SNX8: variants seen among roughly 807,000 people sequenced by gnomAD.
SNX8 encodes the protein sorting nexin 8, also known as sorting nexin-8.
SNX8 carries 25 observed loss-of-function variants against 51.6 expected under a neutral mutation model. The observed-to-expected ratio is 0.48, with a 90% CI of 0.35 to 0.68. The LOEUF is 0.68. SNX8 is among the 30% of genes least tolerant of loss of function. The pLI is 0.00. For missense variants in SNX8, 695 were observed against 624.0 expected (o/e 1.11, Z -1.21); for synonymous variants, 324 against 277.0 (o/e 1.17, Z -1.68).
chr7:2,342,180 A>C lies in SNX8; in HGVS notation c.-66+12042T>G, dbSNP rs547330889. Among the ~76,000 whole-genome samples the C allele has an allele frequency of 2.0e-5, 3 of 151,112 alleles. No homozygotes were observed. In the Admixed American group the frequency reaches 2.0e-4, roughly 10 times the overall value. ...GGCAATAAGAGGGAAACGCTGTCTC[A>C]AAAAAAATAATAATAAATAATAAAT... On this transcript the variant is annotated intron_variant, in intron 1 of 5. Transcript: ENST00000435336.
intron 2 of SNX8, among the ~76,000 whole-genome samples, chr7:2,277,685 T>C (rs1795812336): frequency 6.6e-6 from 1 of 151,658 alleles, no homozygotes; most frequent in South Asian, 2.1e-4. Flanking sequence ...CGGGCACCTG[T>C]CATCCCAGCT....
intron 1 of SNX8, among the ~76,000 whole-genome samples, chr7:2,336,665 G>A (rs1325337909): frequency 6.6e-6 from 1 of 151,752 alleles, no homozygotes; most frequent in Non-Finnish European, 1.5e-5. Context: ...CCGAGATTGC[G>A]TCACTGCACT....
chr7:2,269,605 C>G lies in SNX8; in HGVS notation c.575G>C (p.Cys192Ser), dbSNP rs1795593940. The change falls in exon 5 of 11, where the codon TGC becomes TCC. Residue 192 changes from cysteine (C) to serine (S), a missense_variant. Transcript: ENST00000222990. ...VQNKLKESAQ[C>S]VGDEFLNCKL... ...ACAGTTCAGGAATTCGTCCCCGACG[C>G]ACTGTGCTGACTCCTTTAACTTGTT... is the stretch of plus-strand genomic sequence containing the variant. 2 of 1,602,862 alleles carry G rather than the reference C, an allele frequency of 1.2e-6. No homozygotes were observed. The highest frequency in any genetic ancestry group is 2.3e-5 in the East Asian group (1 of 44,236).
intron 1 of SNX8, among the ~76,000 whole-genome samples, chr7:2,338,440 C>T (rs1254539705): frequency 1.4e-5 from 2 of 147,452 alleles, no homozygotes; most frequent in African/African-American, 2.5e-5. Flanking sequence ...CTAGCCTGGG[C>T]GACAGAGAGA....
intron 1 of SNX8, among the ~76,000 whole-genome samples, chr7:2,335,373 G>C (rs1778807756): frequency 6.6e-6 from 1 of 152,166 alleles, no homozygotes; most frequent in African/African-American, 2.4e-5. Context: ...TGCTAGCCGG[G>C]CGTGGTGGCT....
rs1328467304 is a variant in SNX8, at chr7:2,257,735, C to A, written c.984G>T (p.Lys328Asn). Residue 328 changes from lysine (K) to asparagine (N), a missense_variant and splice_region_variant, in exon 8 of 11, where the codon AAG (lysine) becomes AAT (asparagine). Physicochemically the swap from Lys to Asn is moderately conservative, Grantham distance 94 (BLOSUM62 0). Transcript: ENST00000222990. ...NLFLDLLQSYKDLCERHEKGV... is the reference protein window; with the variant it reads ...NLFLDLLQSYNDLCERHEKGV... ...CAGCCAAGGAGCAGCCAAGACTCAC[C>A]TTATAGGACTGCAGCAGATCCAAGA... The A allele has an allele frequency of 6.2e-7, 1 of 1,613,682 alleles. No homozygotes were observed. The highest frequency in any genetic ancestry group is 8.5e-7 in the Non-Finnish European group (1 of 1,179,786).
chr7:2,315,317 C>T (rs1440898648), upstream of SNX8, among the ~76,000 whole-genome samples: 6 of 150,892 alleles, frequency 4.0e-5, no homozygotes, highest in Non-Finnish European at 8.9e-5. Context: ...TTCATTCATT[C>T]ACCCACTCAC....
At chr7:2,341,259 G>A (rs543203387) in intron 1 of SNX8, among the ~76,000 whole-genome samples, 1 of 152,134 alleles carries the variant, frequency 6.6e-6, no homozygotes, top group South Asian at 2.1e-4. Flanking sequence ...TGGCTCACAT[G>A]AGGCTGAGGC....
At chr7:2,315,624 GTACA>G (rs1160284644), upstream of SNX8, among the ~76,000 whole-genome samples, 1 of 114,080 alleles carries the variant, frequency 8.8e-6, no homozygotes, top group Non-Finnish European at 1.8e-5. Flanking sequence ...CTGCTTCTTC[GTACA>G]TTCATTCACC....
intron 5 of SNX8, among the ~76,000 whole-genome samples, chr7:2,267,229 C>T (rs760106419): frequency 4.9e-4 from 75 of 152,328 alleles, no homozygotes; most frequent in Non-Finnish European, 6.8e-4. Flanking sequence ...GGCAAAATCA[C>T]TTTGAAGGGT....
chr7:2,298,558 C>G (rs1003280722), intron 1 of SNX8, among the ~76,000 whole-genome samples: 1 of 151,376 alleles, frequency 6.6e-6, no homozygotes, highest in Middle Eastern at 3.4e-3. Flanking sequence ...TTAGTAGAGA[C>G]GGGGTTTCAC....
At chr7:2,307,250 T>C (rs1796562786) in intron 1 of SNX8, among the ~76,000 whole-genome samples, 1 of 148,304 alleles carries the variant, frequency 6.7e-6, no homozygotes, top group African/African-American at 2.5e-5. Flanking sequence ...AAAGCACTTC[T>C]GCCCTTTAAG....
chr7:2,337,180 T>C (rs1472134447), intron 1 of SNX8: 1 of 151,972 alleles, frequency 6.6e-6, no homozygotes, highest in African/African-American at 2.4e-5. Flanking sequence ...TCCAGCCCGG[T>C]GTGACGGGTC....
At chr7:2,320,663 G>T (rs1420350294) in intron 1 of SNX8, among the ~76,000 whole-genome samples, 1 of 152,176 alleles carries the variant, frequency 6.6e-6, no homozygotes, top group Admixed American at 6.6e-5. Flanking sequence ...GGTCGAGGCT[G>T]CAGTGAGCCA....
chr7:2,298,495 G>A (rs543743748), intron 1 of SNX8, among the ~76,000 whole-genome samples: 52 of 151,562 alleles, frequency 3.4e-4, no homozygotes, highest in African/African-American at 6.8e-4. Context: ...TCAGCCTCCC[G>A]GGTAGCTGGG....
intron 1 of SNX8, among the ~76,000 whole-genome samples, chr7:2,307,434 C>A (rs889683938): frequency 6.6e-6 from 1 of 151,930 alleles, no homozygotes; most frequent in Admixed American, 6.6e-5. Flanking sequence ...AAGTTCGAGA[C>A]CAGCCTGGCC....
intron 1 of SNX8, among the ~76,000 whole-genome samples, chr7:2,292,830 G>A (rs1378339392): frequency 2.0e-5 from 3 of 151,928 alleles, no homozygotes; most frequent in Admixed American, 6.6e-5. Flanking sequence ...CACCAGCCTG[G>A]GCAACGCGGC....
intron 1 of SNX8, among the ~76,000 whole-genome samples, chr7:2,305,762 T>G (rs1175721716): frequency 6.6e-6 from 1 of 152,028 alleles, no homozygotes; most frequent in African/African-American, 2.4e-5. Context: ...ACCAAACACG[T>G]GTAACCACCA....
At position 2,254,961 on chromosome 7, in the gene SNX8, A is replaced by G. The variant is rs976898357; in HGVS notation, c.*95T>C. On this transcript the variant is annotated 3_prime_UTR_variant, in exon 11 of 11. Transcript: ENST00000222990. ...AGCTGCAGCACGGGGCGTGGCGGGG[A>G]GGGGAGCTGCCGTCCAAAGGGAATT... 4.7e-6 allele frequency: 4 copies of G among 848,054 alleles called. No homozygotes were observed. Among genetic ancestry groups the G allele is most frequent in the African/African-American group, 1.7e-5 (1 of 59,812 alleles). The allele number at this position is 848,054 out of a possible 1,614,324, so 52.5% of individuals were successfully genotyped here. A position where few individuals can be genotyped will look rare whatever the true frequency, so the allele number is the denominator to read the frequency against.
Sources: allele counts gnomAD v4.1 joint callset (sites outside exome capture counted in the v4.1 genomes callset), GRCh38; gene constraint gnomAD v4.1.1; transcripts MANE v1.5; gene names NCBI Gene and HGNC (gene_info 2026-07-23, HGNC 2026-07-21).